The following CUX2 variants were observed in gnomAD, a reference collection of about 807,000 sequenced individuals.
CUX2 encodes cut like homeobox 2.
In CUX2, 40 loss-of-function variants were observed where a neutral mutation model predicts 144.8. The observed-to-expected ratio is 0.28, with a 90% CI of 0.21 to 0.36. The LOEUF is 0.36. Ranked by LOEUF, CUX2 falls within the 10% of genes least tolerant of loss-of-function variation. The probability of loss-of-function intolerance (pLI) is 1.00; values close to 1 mark genes in which losing one functional copy is unlikely to be tolerated. For synonymous variants in CUX2, 827 were observed against 875.6 expected, an observed-to-expected ratio of 0.94 and a Z score of 0.98; for missense variants, 1,615 against 1,994.0, an observed-to-expected ratio of 0.81 and a Z score of 3.62.
intron 21 of CUX2, among the ~76,000 whole-genome samples, chr12:111,342,829 CA>C (rs1211114546): frequency 6.6e-6 from 1 of 151,438 alleles, no homozygotes; most frequent in Non-Finnish European, 1.5e-5. Context: ...CGTGGTGGTG[CA>C]TGCCTATAGT....
intron 1 of CUX2, among the ~76,000 whole-genome samples, chr12:111,121,359 T>TTTCTTTG (rs1874656490): frequency 7.7e-6 from 1 of 129,722 alleles, no homozygotes; most frequent in African/African-American, 3.5e-5. Context: ...TTTGTTTTCT[T>TTTCTTTG]TTCTTTTTTC....
chr12:111,278,228 G>A (rs1374254972), intron 4 of CUX2, among the ~76,000 whole-genome samples: 2 of 152,174 alleles, frequency 1.3e-5, no homozygotes, highest in South Asian at 2.1e-4. Flanking sequence ...ACCAGCCTGG[G>A]CAACATAGTA....
intron 1 of CUX2, among the ~76,000 whole-genome samples, chr12:111,052,303 GC>G (rs1870308946): frequency 6.6e-6 from 1 of 152,146 alleles, no homozygotes; most frequent in African/African-American, 2.4e-5. Flanking sequence ...GTCAGACATA[GC>G]TCTGTGGGTT....
chr12:111,134,620 C>CTGTGTGTGTGTGTGTGTGTGTGTG (rs750270262), intron 1 of CUX2, among the ~76,000 whole-genome samples: 4 of 142,128 alleles, frequency 2.8e-5, no homozygotes, highest in African/African-American at 1.1e-4. Flanking sequence ...CTCTCTCTCT[C>CTGTGTGTGTGTGTGTGTGTGTGTG]TGTGTGTGTG....
At chr12:111,291,298 C>G in intron 4 of CUX2, 120 bp from the exon 5 acceptor site, 1 of 1,254,268 alleles carries the variant, frequency 8.0e-7, no homozygotes, top group South Asian at 1.7e-5. Flanking sequence ...CATGCTACTT[C>G]CTGTAAGCCA....
chr12:111,256,567 C>A (rs1346408182), intron 3 of CUX2, among the ~76,000 whole-genome samples: 1 of 152,130 alleles, frequency 6.6e-6, no homozygotes, highest in African/African-American at 2.4e-5. Context: ...AAAGTATGTT[C>A]CACGGAACCC....
chr12:111,063,956 C>T (rs1426502436), intron 1 of CUX2, among the ~76,000 whole-genome samples: 8 of 152,190 alleles, frequency 5.3e-5, no homozygotes, highest in Admixed American at 4.6e-4. Flanking sequence ...TCTGGACATG[C>T]ACCCGGCAAG....
chr12:111,223,956 C>T (rs1881989991), intron 3 of CUX2, among the ~76,000 whole-genome samples: 1 of 152,182 alleles, frequency 6.6e-6, no homozygotes, highest in Non-Finnish European at 1.5e-5. Context: ...TTCACTGGTG[C>T]TTAGCATCAT....
chr12:111,046,624 C>A (rs1306040834), intron 1 of CUX2, among the ~76,000 whole-genome samples: 2 of 152,130 alleles, frequency 1.3e-5, no homozygotes, highest in Non-Finnish European at 2.9e-5. Flanking sequence ...CATCTACAAT[C>A]ACTATGTCAG....
At chr12:111,093,640 C>CG (rs919650548) in intron 1 of CUX2, among the ~76,000 whole-genome samples, 16 of 152,130 alleles carry the variant, frequency 1.1e-4, no homozygotes, top group East Asian at 5.8e-4. Context: ...AGAAATTTGA[C>CG]GGGGGGGCGA....
intron 1 of CUX2, among the ~76,000 whole-genome samples, chr12:111,181,535 T>C (rs11065827): frequency 0.27 from 40,525 of 152,148 alleles, 6,885 homozygotes; most frequent in East Asian, 0.54. Context: ...GAGAATTAGA[T>C]CCTGATAAGG....
chr12:111,302,679 T>C (rs1886350002), intron 9 of CUX2, among the ~76,000 whole-genome samples: 1 of 149,808 alleles, frequency 6.7e-6, no homozygotes, highest in Non-Finnish European at 1.5e-5. Context: ...GTGGGTGGAT[T>C]GCTTAAGCCC....
At chr12:111,126,454 T>G (rs1470852175) in intron 1 of CUX2, among the ~76,000 whole-genome samples, 2 of 152,106 alleles carry the variant, frequency 1.3e-5, no homozygotes, top group African/African-American at 4.8e-5. Context: ...ATAATTCCAC[T>G]CTGAAGGCCA....
Position 111,117,667 on chromosome 12 carries a change from A to G in CUX2, c.63+83427A>G, listed in dbSNP as rs78321881. ...CACTGAGAGCTAATGGTTATTGACTATTTACCACATGCCATGTACTGTTTA... is the reference window on the plus strand; with the variant it reads ...CACTGAGAGCTAATGGTTATTGACTGTTTACCACATGCCATGTACTGTTTA... On this transcript the variant is annotated intron_variant, in intron 1 of 21. Transcript: ENST00000261726. Among the ~76,000 whole-genome samples the G allele has an allele frequency of 4.3e-3, 649 of 152,310 alleles. 25 individuals carry two copies. In the East Asian group the frequency reaches 0.086, roughly 20 times the overall value.
chr12:111,296,489 G>A lies in CUX2; in HGVS notation c.654G>A (p.Gln218=), dbSNP rs753835543. 1.2e-6 allele frequency: 2 copies of A among 1,610,334 alleles called. No homozygotes were observed. Residue 218 remains glutamine, a synonymous_variant, in exon 8 of 22, where the codon CAG becomes CAA. Coordinates refer to ENST00000261726, the MANE Select transcript of CUX2 (RefSeq NM_015267.4). ...KVLHSALKAT[Q]AELLELRRKY... ...TTCTCCCAGCGCTAAAGGCTACGCA[G>A]GCAGAGCTGCTAGAGCTGCGGCGGA... is the stretch of plus-strand genomic sequence containing the variant.
At chr12:111,347,248 C>A (rs1471290201) in intron 21 of CUX2, among the ~76,000 whole-genome samples, 2 of 152,110 alleles carry the variant, frequency 1.3e-5, no homozygotes, top group South Asian at 2.1e-4. Flanking sequence ...ATTCAGTAGT[C>A]GTGTGTTCAA....
intron 1 of CUX2, among the ~76,000 whole-genome samples, chr12:111,153,243 AT>A (rs1877166687): frequency 6.6e-6 from 1 of 152,236 alleles, no homozygotes; most frequent in Admixed American, 6.5e-5. Flanking sequence ...TTATTCACTT[AT>A]TTATTCATTC....
chr12:111,188,946 A>G (rs1262718091), intron 1 of CUX2, among the ~76,000 whole-genome samples: 1 of 152,146 alleles, frequency 6.6e-6, no homozygotes, highest in African/African-American at 2.4e-5. Flanking sequence ...GGCAGAAGGA[A>G]AAAAGCTGAT....
At chr12:111,223,249 G>GA (rs1592854065) in intron 3 of CUX2, among the ~76,000 whole-genome samples, 1 of 152,174 alleles carries the variant, frequency 6.6e-6, no homozygotes, top group African/African-American at 2.4e-5. Context: ...GAAAGAAAAA[G>GA]AAAAAATGTC....
Sources: gnomAD v4.1 joint callset for allele counts (sites outside exome capture counted in the v4.1 genomes callset) on GRCh38, gnomAD v4.1.1 for gene constraint, MANE v1.5 for transcripts, NCBI Gene and HGNC (gene_info 2026-07-23, HGNC 2026-07-21) for gene names.